Variants in TRAK1 observed in about 807,000 individuals in gnomAD.
TRAK1 encodes the protein trafficking kinesin-binding protein 1.
A neutral mutation model predicts 92.1 loss-of-function variants in TRAK1; 33 were observed. The ratio of observed to expected loss-of-function variants is 0.36; its 90% CI spans 0.27 to 0.48. The LOEUF (loss-of-function observed/expected upper bound fraction) is 0.48, where lower values mean the gene tolerates loss of function less well. Ranked by LOEUF, TRAK1 falls within the 20% of genes least tolerant of loss-of-function variation. The probability of loss-of-function intolerance (pLI) is 0.99; values close to 1 mark genes in which losing one functional copy is unlikely to be tolerated. For synonymous variants in TRAK1, 521 were observed against 517.3 expected, an observed-to-expected ratio of 1.01 and a Z score of -0.10; for missense variants, 1,123 against 1,257.9, an observed-to-expected ratio of 0.89 and a Z score of 1.62.
At chr3:42,147,507 A>G (rs1291925002) in intron 2 of TRAK1, among the ~76,000 whole-genome samples, 1 of 152,162 alleles carries the variant, frequency 6.6e-6, no homozygotes, top group East Asian at 1.9e-4. Flanking sequence ...ATTTTAGCCA[A>G]AATTCATCAT....
At chr3:42,118,530 G>A (rs17069052) in intron 1 of TRAK1, among the ~76,000 whole-genome samples, 6,373 of 152,314 alleles carry the variant, frequency 0.042, 443 homozygotes, top group African/African-American at 0.14. Context: ...CTGAGAATCA[G>A]TGCAAATCCC....
rs533179438 is a variant in TRAK1 at position 42,060,934 on chromosome 3, TTTGTTG to T, written c.-518-26161_-518-26156del. Among the ~76,000 whole-genome samples, 5 of 152,080 alleles carry T rather than the reference TTTGTTG, an allele frequency of 3.3e-5. No individual in the cohort carries two copies. The South Asian group carries it at 1.0e-3, about 32-fold the overall frequency. On this transcript the variant is annotated intron_variant, in intron 1 of 16. Transcript: ENST00000487159. ...GCATGAGCCACCGCGCCCGGCCTTT[TTTGTTG>T]TTGTTGTTTGTTTGTTTTGCAGTTT...
In TRAK1 at chr3:42,161,584, C is replaced by T. The variant is rs370501960; in HGVS notation, c.287-15230C>T. ...ATTTTTTGGTAGAGACAGGATCTCA[C>T]TAAGTTGCCCAGGCTGGAACTTTTG... is the stretch of plus-strand genomic sequence containing the variant. On this transcript the variant is annotated intron_variant, in intron 2 of 15. Transcript: ENST00000327628. Among the ~76,000 whole-genome samples the T allele has an allele frequency of 8.5e-5, 13 of 152,330 alleles. No homozygotes were observed. The East Asian group carries it at 1.7e-3, about 20-fold the overall frequency.
intron 1 of TRAK1, among the ~76,000 whole-genome samples, chr3:42,062,200 A>G (rs574128391): frequency 2.9e-4 from 44 of 152,312 alleles, no homozygotes; most frequent in Middle Eastern, 3.4e-3. Context: ...CAAAAGCAGG[A>G]GTACAGTGCT....
rs560350951 is a variant in TRAK1, at chr3:42,148,031, C to A, written c.286+22417C>A. Among the ~76,000 whole-genome samples the A allele has an allele frequency of 9.3e-4, 142 of 152,020 alleles. 1 individual carries two copies. The South Asian group carries it at 0.015, about 16-fold the overall frequency. Reference sequence around the variant, plus strand: ...ACATACACATACATAGAAACACACACACACACACACACACACTATTATCTG... The same window carrying A: ...ACATACACATACATAGAAACACACAAACACACACACACACACTATTATCTG... On this transcript the variant is annotated intron_variant, in intron 2 of 15. Coordinates refer to ENST00000327628, the MANE Select transcript of TRAK1 (RefSeq NM_001042646.3).
At chr3:42,059,034 G>A (rs1278058233) in intron 1 of TRAK1, among the ~76,000 whole-genome samples, 1 of 152,000 alleles carries the variant, frequency 6.6e-6, no homozygotes, top group Non-Finnish European at 1.5e-5. Context: ...ATATTTGTAT[G>A]TATATGTATA....
chr3:42,050,379 A>T (rs1702932470), intron 1 of TRAK1, among the ~76,000 whole-genome samples: 1 of 152,036 alleles, frequency 6.6e-6, no homozygotes, highest in South Asian at 2.1e-4. Flanking sequence ...GGAGCTGGAG[A>T]GGTATCAGTG....
chr3:42,096,533 C>T (rs1365422871), intron 1 of TRAK1, among the ~76,000 whole-genome samples: 1 of 152,206 alleles, frequency 6.6e-6, no homozygotes, highest in East Asian at 1.9e-4. Flanking sequence ...GGATTACAGG[C>T]GTGAGCCACC....
At chr3:42,039,083 C>T (rs1169185482) in intron 1 of TRAK1, among the ~76,000 whole-genome samples, 1 of 152,048 alleles carries the variant, frequency 6.6e-6, no homozygotes, top group Non-Finnish European at 1.5e-5. Flanking sequence ...AATAGTCAAT[C>T]CTCCCTCCCT....
intron 1 of TRAK1, among the ~76,000 whole-genome samples, chr3:42,111,224 T>C (rs1220693933): frequency 6.6e-6 from 1 of 152,164 alleles, no homozygotes; most frequent in Non-Finnish European, 1.5e-5. Context: ...TCCATCTTGC[T>C]CTTAACCTCC....
intron 12 of TRAK1, among the ~76,000 whole-genome samples, chr3:42,201,745 A>G (rs1325593911): frequency 6.6e-6 from 1 of 151,974 alleles, no homozygotes; most frequent in Non-Finnish European, 1.5e-5. Context: ...TGTGACCAGA[A>G]TGTGGTCACA....
chr3:42,213,513 G>A (rs1709327709), intron 14 of TRAK1, among the ~76,000 whole-genome samples: 1 of 152,264 alleles, frequency 6.6e-6, no homozygotes, highest in Non-Finnish European at 1.5e-5. Context: ...ATAGGCCCAA[G>A]GTCAGGAGCA....
At chr3:42,191,895 A>ATTTTTTTTTTTTTTTTTTT (rs68023368) in intron 7 of TRAK1, among the ~76,000 whole-genome samples, 3 of 72,764 alleles carry the variant, frequency 4.1e-5, no homozygotes, top group African/African-American at 1.2e-4. Context: ...GAATATTGGA[A>ATTTTTTTTTTTTTTTTTTT]TTTTTTTTTT....
chr3:42,044,036 T>C (rs935617322), intron 1 of TRAK1, among the ~76,000 whole-genome samples: 8 of 152,266 alleles, frequency 5.3e-5, no homozygotes, highest in Admixed American at 3.3e-4. Context: ...AGCCCAGCTT[T>C]CAGGTGGCCC....
At chr3:42,189,467 G>A (rs1364413421) in intron 6 of TRAK1, among the ~76,000 whole-genome samples, 2 of 152,244 alleles carry the variant, frequency 1.3e-5, no homozygotes, top group African/African-American at 4.8e-5. Flanking sequence ...TTGTTTTCAT[G>A]CTGCCACAGA....
chr3:42,013,189 C>A (rs1164158043), upstream of TRAK1, among the ~76,000 whole-genome samples: 1 of 152,216 alleles, frequency 6.6e-6, no homozygotes, highest in South Asian at 2.1e-4. The surrounding 1 kb of genome is among the most constrained non-coding windows in gnomAD (Gnocchi z 5.1). Context: ...GCCTTCCCCC[C>A]GTCCCCGGCT....
intron 2 of TRAK1, among the ~76,000 whole-genome samples, chr3:42,167,552 T>C (rs965901293): frequency 6.6e-6 from 1 of 152,234 alleles, no homozygotes; most frequent in Non-Finnish European, 1.5e-5. Context: ...CTTCAAAGTC[T>C]TCATCAAAAT....
chr3:42,124,750 A>G (rs1710342388), intron 1 of TRAK1, among the ~76,000 whole-genome samples: 1 of 152,210 alleles, frequency 6.6e-6, no homozygotes, highest in Admixed American at 6.5e-5. Flanking sequence ...CAGTATAGAA[A>G]GGGTAAGAGA....
At chr3:42,043,230 T>G (rs1702617140) in intron 1 of TRAK1, among the ~76,000 whole-genome samples, 1 of 151,996 alleles carries the variant, frequency 6.6e-6, no homozygotes, top group South Asian at 2.1e-4. Flanking sequence ...TGTCCCCTCT[T>G]GCCCTCCTTC....
Sources: gnomAD v4.1 joint callset for allele counts (sites outside exome capture counted in the v4.1 genomes callset) on GRCh38, gnomAD v4.1.1 for gene constraint, Gnocchi (gnomAD v3.1) non-coding constraint, MANE v1.5 for transcripts, NCBI Gene and HGNC (gene_info 2026-07-23, HGNC 2026-07-21) for gene names.